Variants in LRMDA observed in about 807,000 individuals in gnomAD.
The protein encoded by LRMDA is leucine rich melanocyte differentiation associated, also known as leucine-rich melanocyte differentiation-associated protein.
A neutral mutation model predicts 29.8 loss-of-function variants in LRMDA; 18 were observed. The observed-to-expected ratio is 0.60, with a 90% CI of 0.42 to 0.90. The LOEUF (loss-of-function observed/expected upper bound fraction) is 0.90, where lower values mean the gene tolerates loss of function less well. LRMDA is among the 40% of genes least tolerant of loss of function. The pLI, the probability that LRMDA is intolerant of heterozygous loss-of-function variation, is 0.00. For synonymous variants in LRMDA, 125 were observed against 109.4 expected, an observed-to-expected ratio of 1.14 and a Z score of -0.89; for missense variants, 273 against 273.9, an observed-to-expected ratio of 1.00 and a Z score of 0.02.
intron 5 of LRMDA, among the ~76,000 whole-genome samples, chr10:76,134,138 C>T (rs1158157403): frequency 6.6e-6 from 1 of 152,196 alleles, no homozygotes; most frequent in African/African-American, 2.4e-5. Flanking sequence ...ATCAACCACT[C>T]CTAAGGCAGG....
intron 2 of LRMDA, among the ~76,000 whole-genome samples, chr10:75,998,664 A>G (rs562550530): frequency 2.2e-4 from 34 of 152,360 alleles, no homozygotes; most frequent in African/African-American, 7.7e-4. Flanking sequence ...CCAAGGCCAC[A>G]TAGCCGGGTG....
At chr10:75,892,368 G>A (rs1845506267) in intron 2 of LRMDA, among the ~76,000 whole-genome samples, 1 of 152,156 alleles carries the variant, frequency 6.6e-6, no homozygotes, top group Non-Finnish European at 1.5e-5. Context: ...GCTCTGGGTG[G>A]CAGGGCCCTG....
At chr10:76,485,975 C>T (rs1842779175) in intron 6 of LRMDA, among the ~76,000 whole-genome samples, 2 of 151,828 alleles carry the variant, frequency 1.3e-5, no homozygotes, top group Middle Eastern at 3.2e-3. Flanking sequence ...CTGAATCTTT[C>T]TTTGAGTACT....
At chr10:76,321,692 C>T (rs1045549971) in intron 5 of LRMDA, among the ~76,000 whole-genome samples, 1 of 152,144 alleles carries the variant, frequency 6.6e-6, no homozygotes, top group Admixed American at 6.5e-5. Context: ...TGCCTGTAAT[C>T]CCAGCCCTTT....
intron 5 of LRMDA, among the ~76,000 whole-genome samples, chr10:76,217,148 A>C (rs1464569748): frequency 6.6e-6 from 1 of 152,180 alleles, no homozygotes; most frequent in Non-Finnish European, 1.5e-5. Flanking sequence ...CATTTTATAT[A>C]TGTGAATGTG....
intron 5 of LRMDA, among the ~76,000 whole-genome samples, chr10:76,103,976 A>T (rs1282500030): frequency 6.6e-6 from 1 of 151,248 alleles, no homozygotes; most frequent in East Asian, 2.0e-4. Flanking sequence ...TGAACCTGGG[A>T]GGTGGAGGTT....
At chr10:76,327,824 T>G (rs1366408427) in intron 6 of LRMDA, among the ~76,000 whole-genome samples, 1 of 152,154 alleles carries the variant, frequency 6.6e-6, no homozygotes, top group East Asian at 1.9e-4. Flanking sequence ...ACCCAAACCA[T>G]CAGGGATGGG....
At chr10:76,333,710 A>T (rs1840932763) in intron 6 of LRMDA, among the ~76,000 whole-genome samples, 1 of 152,210 alleles carries the variant, frequency 6.6e-6, no homozygotes, top group Non-Finnish European at 1.5e-5. Flanking sequence ...AAACTAAAAC[A>T]CAGGGCCCAG....
intron 2 of LRMDA, among the ~76,000 whole-genome samples, chr10:75,555,006 T>A (rs1227077564): frequency 6.6e-6 from 1 of 152,174 alleles, no homozygotes; most frequent in African/African-American, 2.4e-5. Context: ...GACAGGATGA[T>A]CTACTGGTCC....
At chr10:75,755,565 G>C (rs1039254799) in intron 2 of LRMDA, among the ~76,000 whole-genome samples, 1 of 152,252 alleles carries the variant, frequency 6.6e-6, no homozygotes, top group Non-Finnish European at 1.5e-5. Context: ...AAGGTGATCT[G>C]CTGTGCTATG....
chr10:76,557,313 C>G lies in LRMDA; in HGVS notation c.*25C>G. 1 of 1,549,370 alleles carries G rather than the reference C, an allele frequency of 6.5e-7. No homozygotes were observed. The highest frequency in any genetic ancestry group is 8.9e-7 in the Non-Finnish European group (1 of 1,124,242). On this transcript the variant is annotated 3_prime_UTR_variant, in exon 7 of 7. Coordinates refer to ENST00000611255, the MANE Select transcript of LRMDA (RefSeq NM_001305581.2). ...AAGCCAACTTCTGTATACCTTCACCCATTTCATGAAAATAAAATCAAAAGG... is the reference window on the plus strand; with the variant it reads ...AAGCCAACTTCTGTATACCTTCACCGATTTCATGAAAATAAAATCAAAAGG...
At position 75,668,874 on chromosome 10, in the gene LRMDA, A is replaced by C. The variant is rs543485998; in HGVS notation, c.131+230380A>C. Among the ~76,000 whole-genome samples, 17 of 152,292 alleles carry C rather than the reference A, an allele frequency of 1.1e-4. No homozygotes were observed. The East Asian group carries it at 3.3e-3, about 29-fold the overall frequency. ...CTAATTTCTTCAGCAAATATGCCTA[A>C]TGTATCTACTGTGTGCTGGACACTG... On this transcript the variant is annotated intron_variant, in intron 2 of 6. Transcript: ENST00000611255.
intron 2 of LRMDA, among the ~76,000 whole-genome samples, chr10:75,444,376 C>A (rs1416932969): frequency 6.6e-6 from 1 of 152,182 alleles, no homozygotes; most frequent in African/African-American, 2.4e-5. Flanking sequence ...AGAAAACAGG[C>A]CCAAATGAAA....
At position 75,903,755 on chromosome 10, in the gene LRMDA, G is replaced by A. The variant is rs370471470; in HGVS notation, c.132-132253G>A. On this transcript the variant is annotated intron_variant, in intron 2 of 6. Transcript: ENST00000611255. The stretch of plus-strand genomic sequence containing the variant: ...ACCAAAAGCTTTTAACAGAGCTCCC[G>A]TTAAAGCAGTTCAGAACATGTGGGG... Among the ~76,000 whole-genome samples, 8 of 152,162 alleles carry A rather than the reference G, an allele frequency of 5.3e-5. No homozygotes were observed. In the East Asian group the frequency reaches 5.8e-4, roughly 11 times the overall value.
intron 2 of LRMDA, among the ~76,000 whole-genome samples, chr10:75,776,801 A>T (rs1843317975): frequency 6.6e-6 from 1 of 152,262 alleles, no homozygotes; most frequent in Non-Finnish European, 1.5e-5. Context: ...GAGCAGCTAT[A>T]ACGTGGCATT....
At chr10:76,330,267 T>TG (rs932884698) in intron 6 of LRMDA, among the ~76,000 whole-genome samples, 2 of 152,118 alleles carry the variant, frequency 1.3e-5, no homozygotes, top group African/African-American at 4.8e-5. Flanking sequence ...TTTTCTGAGA[T>TG]GGGGGGGCCT....
At chr10:76,144,006 A>G (rs1005397980) in intron 5 of LRMDA, among the ~76,000 whole-genome samples, 2 of 152,132 alleles carry the variant, frequency 1.3e-5, no homozygotes, top group African/African-American at 4.8e-5. Flanking sequence ...AGTTGTAGAC[A>G]TGCGGCATTA....
At chr10:76,555,991 A>G (rs1023362171) in intron 6 of LRMDA, among the ~76,000 whole-genome samples, 1 of 152,242 alleles carries the variant, frequency 6.6e-6, no homozygotes, top group Non-Finnish European at 1.5e-5. Context: ...AATTTAAAAT[A>G]GGTTTTTCTA....
chr10:75,618,777 C>CT (rs35897683), intron 2 of LRMDA, among the ~76,000 whole-genome samples: 19 of 114,336 alleles, frequency 1.7e-4, no homozygotes, highest in Admixed American at 4.4e-4. Context: ...ATTATTTACT[C>CT]TTTTTTTTTT....
Sources: allele counts gnomAD v4.1 joint callset (sites outside exome capture counted in the v4.1 genomes callset), GRCh38; gene constraint gnomAD v4.1.1; transcripts MANE v1.5; gene names NCBI Gene and HGNC (gene_info 2026-07-23, HGNC 2026-07-21).